Variants in DIP2A observed in about 807,000 individuals in gnomAD.
DIP2A encodes disco-interacting protein 2 homolog A.
A neutral mutation model predicts 177.4 loss-of-function variants in DIP2A; 85 were observed. That is an observed-to-expected ratio of 0.48 (90% CI 0.40 to 0.57). The LOEUF (loss-of-function observed/expected upper bound fraction) is 0.57, where lower values mean the gene tolerates loss of function less well. DIP2A is among the 20% of genes least tolerant of loss of function. The pLI, the probability that DIP2A is intolerant of heterozygous loss-of-function variation, is 0.00. For missense variants in DIP2A, 1,791 were observed against 2,100.2 expected, an observed-to-expected ratio of 0.85 and a Z score of 2.88; for synonymous variants, 886 against 881.8, an observed-to-expected ratio of 1.00 and a Z score of -0.08.
chr21:46,526,789 A>G (rs902416669), intron 8 of DIP2A, among the ~76,000 whole-genome samples: 4 of 152,208 alleles, frequency 2.6e-5, no homozygotes, highest in African/African-American at 9.6e-5. Context: ...AAAGATTCAT[A>G]AGCTACACCA....
At chr21:46,570,585 T>C (rs1160914385), downstream of DIP2A, among the ~76,000 whole-genome samples, 1 of 152,232 alleles carries the variant, frequency 6.6e-6, no homozygotes, top group Admixed American at 6.5e-5. Flanking sequence ...AGATGGTTTT[T>C]TAGATGTTAT....
rs199562253 is a variant in DIP2A at position 46,498,589 on chromosome 21, G to A, written c.411G>A (p.Ser137=). The A allele has an allele frequency of 1.8e-5, 29 of 1,606,708 alleles. 1 individual carries two copies. Among genetic ancestry groups the A allele is most frequent in the South Asian group, 1.4e-4 (13 of 90,852 alleles). ...TCGTTATTTTAACCACAGACACGTCGTCTGCCTCAGAAGATGAGGGCTCTT... is the reference window on the plus strand; with the variant it reads ...TCGTTATTTTAACCACAGACACGTCATCTGCCTCAGAAGATGAGGGCTCTT... ...SVETYTPPDT[S]SASEDEGSLR... The change falls in exon 5 of 38, where the codon TCG becomes TCA. Residue 137 remains serine, a synonymous_variant. Coordinates refer to ENST00000417564, the MANE Select transcript of DIP2A (RefSeq NM_015151.4). This position sits in a 1 kb window ranked among gnomAD's most constrained non-coding sequence, Gnocchi z 4.3.
chr21:46,573,637 C>G (rs1484108536), downstream of DIP2A, among the ~76,000 whole-genome samples: 1 of 68,384 alleles, frequency 1.5e-5, no homozygotes, highest in Non-Finnish European at 2.6e-5. Context: ...GAGTAAGACC[C>G]TCTCTCACAA....
At chr21:46,522,296 A>G (rs565273389) in intron 8 of DIP2A, among the ~76,000 whole-genome samples, 49 of 152,374 alleles carry the variant, frequency 3.2e-4, no homozygotes, top group African/African-American at 1.1e-3. Context: ...ATGTAAATAG[A>G]CAGAAGATCC....
At chr21:46,518,630 G>A (rs2058688105) in intron 8 of DIP2A, among the ~76,000 whole-genome samples, 1 of 152,194 alleles carries the variant, frequency 6.6e-6, no homozygotes, top group Non-Finnish European at 1.5e-5. Flanking sequence ...GCTGAGATGG[G>A]TGAATCACTT....
intron 31 of DIP2A, 134 bp from the exon 32 acceptor site, chr21:46,558,089 C>T (rs1388341374): frequency 5.3e-6 from 5 of 942,828 alleles, no homozygotes; most frequent in South Asian, 3.5e-5. Context: ...GTGGAACAGA[C>T]ACAGCCTGCG....
chr21:46,464,343 A>C (rs2054604608), intron 1 of DIP2A, among the ~76,000 whole-genome samples: 1 of 152,092 alleles, frequency 6.6e-6, no homozygotes, highest in South Asian at 2.1e-4. Context: ...CAGTGAGCCG[A>C]GATTGCACCA....
In DIP2A at chr21:46,492,659, T is replaced by C. The variant is rs936589800; in HGVS notation, c.283+1940T>C. Among the ~76,000 whole-genome samples the C allele has an allele frequency of 2.0e-5, 3 of 152,170 alleles. No individual in the cohort carries two copies. In the East Asian group the frequency reaches 5.8e-4, roughly 29 times the overall value. ...GGTGGGGCCCTCACGGTGGGATCGG[T>C]GCCCTTATAAGAAGAGGCATTGGCC... On this transcript the variant is annotated intron_variant, in intron 3 of 37. Coordinates refer to ENST00000417564, the MANE Select transcript of DIP2A (RefSeq NM_015151.4).
In DIP2A at chr21:46,471,116, G is replaced by A. The variant is rs576652898; in HGVS notation, c.91+11894G>A. Among the ~76,000 whole-genome samples, 4 of 152,160 alleles carry A rather than the reference G, an allele frequency of 2.6e-5. No individual in the cohort carries two copies. The South Asian group carries it at 8.3e-4, about 32-fold the overall frequency. On this transcript the variant is annotated intron_variant, in intron 1 of 37. Transcript: ENST00000417564. ...AGTAGCACTATCATAGCTCATTACAGCCTCAAACTCCTGGGCTAAGCTATC... is the reference window on the plus strand; with the variant it reads ...AGTAGCACTATCATAGCTCATTACAACCTCAAACTCCTGGGCTAAGCTATC...
At chr21:46,545,848 C>T (rs1198887097) in intron 19 of DIP2A, 33 bp from the exon 20 acceptor site, 1 of 1,608,616 alleles carries the variant, frequency 6.2e-7, no homozygotes, top group Non-Finnish European at 8.5e-7. Flanking sequence ...TGGTTGTCCA[C>T]AGCCTGATCG....
At chr21:46,469,907 G>T (rs1284563269) in intron 1 of DIP2A, among the ~76,000 whole-genome samples, 1 of 152,110 alleles carries the variant, frequency 6.6e-6, no homozygotes, top group Non-Finnish European at 1.5e-5. Flanking sequence ...CATCAGGGCA[G>T]GTCAGGGGCC....
chr21:46,459,903 T>C (rs1228684691), intron 1 of DIP2A, among the ~76,000 whole-genome samples: 1 of 151,938 alleles, frequency 6.6e-6, no homozygotes, highest in Non-Finnish European at 1.5e-5. Flanking sequence ...ATGACCACTT[T>C]TGCCCCAAGC....
At chr21:46,534,448 T>A in intron 12 of DIP2A, 137 bp from the exon 13 acceptor site, 1 of 836,636 alleles carries the variant, frequency 1.2e-6, no homozygotes, top group Non-Finnish European at 1.9e-6. Flanking sequence ...GCCATGTACC[T>A]GGGCTGCTGG....
intron 1 of DIP2A, among the ~76,000 whole-genome samples, chr21:46,484,505 C>G (rs534617436): frequency 2.0e-5 from 3 of 152,272 alleles, no homozygotes; most frequent in African/African-American, 4.8e-5. Context: ...TATTCAGTAG[C>G]CTTTTGAGTC....
At chr21:46,517,820 C>T (rs971309966) in intron 8 of DIP2A, among the ~76,000 whole-genome samples, 1 of 152,236 alleles carries the variant, frequency 6.6e-6, no homozygotes, top group African/African-American at 2.4e-5. Context: ...ACTCAGCCCC[C>T]CGTGGGGGCT....
chr21:46,554,126 G>A, intron 25 of DIP2A, 43 bp from the exon 26 acceptor site: 1 of 1,592,722 alleles, frequency 6.3e-7, no homozygotes, highest in South Asian at 1.1e-5. Flanking sequence ...CAGCCCACCT[G>A]CACGCACCAG....
chr21:46,518,986 A>G lies in DIP2A; in HGVS notation c.1102+7372A>G, dbSNP rs113288472. Among the ~76,000 whole-genome samples, 8 of 152,356 alleles carry G rather than the reference A, an allele frequency of 5.3e-5. 1 individual carries two copies. Among genetic ancestry groups the G allele is most frequent in the African/African-American group, 1.9e-4 (8 of 41,586 alleles). On this transcript the variant is annotated intron_variant, in intron 8 of 37. Coordinates refer to ENST00000417564, the MANE Select transcript of DIP2A (RefSeq NM_015151.4). ...GAATACTTAGAGTTATTTCTTGACTATATGCTAAACAAGGGGTGGATTATT... is the reference window on the plus strand; with the variant it reads ...GAATACTTAGAGTTATTTCTTGACTGTATGCTAAACAAGGGGTGGATTATT...
At position 46,511,531 on chromosome 21, in the gene DIP2A, A is replaced by G. The variant is rs376489944; in HGVS notation, c.1019A>G (p.Gln340Arg). 1 of 1,611,742 alleles carries G rather than the reference A, an allele frequency of 6.2e-7. No homozygotes were observed. The highest frequency in any genetic ancestry group is 1.3e-5 in the African/African-American group (1 of 74,768). Reference protein sequence around the residue: ...PRPPSLLATLQRWGTTQPKSP... With the variant: ...PRPPSLLATLRRWGTTQPKSP... ...CCGCCGTCGCTGTTGGCCACCTTGC[A>G]GCGCTGGGGCACAACACAGCCCAAA... is the stretch of plus-strand genomic sequence containing the variant. The change falls in exon 8 of 38, where the codon CAG (glutamine) becomes CGG (arginine). Residue 340 changes from glutamine to arginine, a missense_variant. Transcript: ENST00000417564.
chr21:46,495,339 G>A (rs2057297689), intron 3 of DIP2A, among the ~76,000 whole-genome samples: 1 of 147,528 alleles, frequency 6.8e-6, no homozygotes, highest in South Asian at 2.3e-4. Flanking sequence ...CGTGATCTCG[G>A]CTCACCACAA....
Sources: gnomAD v4.1 joint callset for allele counts (sites outside exome capture counted in the v4.1 genomes callset) on GRCh38, gnomAD v4.1.1 for gene constraint, Gnocchi (gnomAD v3.1) non-coding constraint, MANE v1.5 for transcripts, NCBI Gene and HGNC (gene_info 2026-07-23, HGNC 2026-07-21) for gene names.